PER3: variants seen among roughly 807,000 people sequenced by gnomAD.
PER3 encodes period circadian protein homolog 3.
A neutral mutation model predicts 127.2 loss-of-function variants in PER3; 107 were observed. The observed-to-expected ratio is 0.84, with a 90% CI of 0.72 to 0.99. PER3 has a LOEUF of 0.99. PER3 is among the 50% of genes least tolerant of loss of function. The pLI is 0.00. For synonymous variants in PER3, 618 were observed against 585.8 expected (o/e 1.05, Z -0.79); for missense variants, 1,560 against 1,525.8 (o/e 1.02, Z -0.37).
rs1398493325 is a variant in PER3, at chr1:7,844,018, G to C, written c.*1263G>C. 16 of 1,097,934 alleles carry C rather than the reference G, an allele frequency of 1.5e-5. No homozygotes were observed. Among genetic ancestry groups the C allele is most frequent in the Non-Finnish European group, 1.8e-5 (16 of 872,066 alleles). 68.0% of individuals were successfully genotyped at this position (1,097,934 alleles called of 1,614,324 possible). A position where few individuals can be genotyped will look rare whatever the true frequency, so the allele number is the denominator to read the frequency against. On this transcript the variant is annotated 3_prime_UTR_variant, in exon 22 of 22. Transcript: ENST00000377532. Reference sequence around the variant, plus strand: ...GTAACCTGTTGTCTTTATATAACTTGCAACAAACTAATTTATTTTTTTTTC... The same window carrying C: ...GTAACCTGTTGTCTTTATATAACTTCCAACAAACTAATTTATTTTTTTTTC...
At chr1:7,808,532 AATT>A (rs2097205966) in intron 10 of PER3, among the ~76,000 whole-genome samples, 1 of 152,202 alleles carries the variant, frequency 6.6e-6, no homozygotes, top group Non-Finnish European at 1.5e-5. Flanking sequence ...GGGTCTTTAA[AATT>A]CTTAGAGTAA....
In PER3 at chr1:7,803,692, T is replaced by C. The variant is rs751203705; in HGVS notation, c.980T>C (p.Val327Ala). The C allele has an allele frequency of 8.2e-6, 13 of 1,581,280 alleles. No homozygotes were observed. The highest frequency in any genetic ancestry group is 1.1e-5 in the Non-Finnish European group (13 of 1,152,134). Reference sequence around the variant, plus strand: ...ATTTTTGTCTTATTATTTTATATAGTTTTGAAGTATGCAGGGCATCCTCCC... The same window carrying C: ...ATTTTTGTCTTATTATTTTATATAGCTTTGAAGTATGCAGGGCATCCTCCC... ...RSLMVAIHQK[V>A]LKYAGHPPFE... is the part of the protein sequence containing the mutation. The change falls in exon 10 of 22, where the codon GTT becomes GCT. Residue 327 changes from valine (V) to alanine (A), a missense_variant and splice_region_variant. Coordinates refer to ENST00000377532, the MANE Select transcript of PER3 (RefSeq NM_001377275.1).
chr1:7,792,228 G>A (rs556605271), intron 5 of PER3, among the ~76,000 whole-genome samples: 26 of 152,088 alleles, frequency 1.7e-4, no homozygotes, highest in Admixed American at 2.6e-4. Context: ...TGTCCTTCAC[G>A]TGGCAACAGC....
chr1:7,806,478 G>T (rs2097193180), intron 10 of PER3, among the ~76,000 whole-genome samples: 1 of 152,036 alleles, frequency 6.6e-6, no homozygotes, highest in Non-Finnish European at 1.5e-5. Context: ...AGATTAATCA[G>T]TTCTGCATTA....
At position 7,820,177 on chromosome 1, in the gene PER3, C is replaced by T. The variant is rs776696531; in HGVS notation, c.1721C>T (p.Thr574Ile). 6 of 1,612,844 alleles carry T rather than the reference C, an allele frequency of 3.7e-6. No individual in the cohort carries two copies. The highest frequency in any genetic ancestry group is 4.2e-6 in the Non-Finnish European group (5 of 1,178,948). ...AAGTGTATCTCCTGTACAAATACAA[C>T]TTCTTCCTCCTCAGAAGAAGACAAA... ...KRKCISCTNT[T>I]SSSSEEDKQN... is the part of the protein sequence containing the mutation. Residue 574 changes from threonine to isoleucine, a missense_variant, in exon 15 of 22, where the codon ACT (threonine) becomes ATT (isoleucine). Coordinates refer to ENST00000377532, the MANE Select transcript of PER3 (RefSeq NM_001377275.1).
At position 7,840,648 on chromosome 1, in the gene PER3, T is replaced by A. The variant is rs139584309; in HGVS notation, c.3550-2024T>A. 5.0e-3 allele frequency among the ~76,000 whole-genome samples: 755 copies of A among 151,838 alleles called. 8 individuals carry two copies. Among genetic ancestry groups the A allele is most frequent in the African/African-American group, 0.018 (732 of 41,360 alleles). ...TTTTTCTTTCTTTTTTTTAAGACAGTCTCACTTTGTCATCCAGGCTGGAGT... is the reference window on the plus strand; with the variant it reads ...TTTTTCTTTCTTTTTTTTAAGACAGACTCACTTTGTCATCCAGGCTGGAGT... On this transcript the variant is annotated intron_variant, in intron 21 of 21. Transcript: ENST00000377532.
intron 2 of PER3, 51 bp from the exon 3 acceptor site, chr1:7,785,390 A>G (rs2097082358): frequency 6.8e-7 from 1 of 1,474,518 alleles, no homozygotes; most frequent in African/African-American, 1.4e-5. Context: ...CTAAGCCGCA[A>G]GATGCTGTTG....
At chr1:7,796,594 C>T (rs941300498) in intron 6 of PER3, among the ~76,000 whole-genome samples, 3 of 151,990 alleles carry the variant, frequency 2.0e-5, no homozygotes, top group Non-Finnish European at 4.4e-5. Flanking sequence ...GGATTACAGG[C>T]GTGAGCCACC....
At position 7,827,516 on chromosome 1, in the gene PER3, C is replaced by A; in HGVS notation, c.2587C>A (p.Pro863Thr). ...DTFMTVFLPDPPVCPLLSPSF... is the reference protein window; with the variant it reads ...DTFMTVFLPDTPVCPLLSPSF... The stretch of plus-strand genomic sequence containing the variant: ...TTTTATGACCGTTTTCCTGCCTGAC[C>A]CCCCTGTCTGTCCTCTGTTGTCGCC... The change falls in exon 18 of 22, where the codon CCC becomes ACC. Residue 863 changes from proline (P) to threonine (T), a missense_variant. Around this residue, in one of 3 missense-constraint regions of PER3, gnomAD observed 1,332 missense variants for 1,223.6 expected, o/e 1.09. Transcript: ENST00000377532. The A allele has an allele frequency of 2.5e-6, 4 of 1,614,198 alleles. No individual in the cohort carries two copies. Among genetic ancestry groups the A allele is most frequent in the Non-Finnish European group, 3.4e-6 (4 of 1,180,042 alleles).
In PER3 at chr1:7,842,997, A is replaced by G. The variant is rs932127968; in HGVS notation, c.*242A>G. On this transcript the variant is annotated 3_prime_UTR_variant, in exon 22 of 22. Coordinates refer to ENST00000377532, the MANE Select transcript of PER3 (RefSeq NM_001377275.1). ...TTTTTGTAGTTGAATTGTCTTCTAA[A>G]GAGATTGGATGGCCTCTAAAGAGGT... 1 of 281,674 alleles carries G rather than the reference A, an allele frequency of 3.6e-6. No homozygotes were observed. Among genetic ancestry groups the G allele is most frequent in the East Asian group, 6.3e-5 (1 of 15,774 alleles). 17.4% of individuals were successfully genotyped at this position (281,674 alleles called of 1,614,324 possible). A position where few individuals can be genotyped will look rare whatever the true frequency, so the allele number is the denominator to read the frequency against.
chr1:7,827,329 C>T lies in PER3; in HGVS notation c.2400C>T (p.Pro800=), dbSNP rs373626320. Residue 800 remains proline (P), a synonymous_variant, in exon 18 of 22, where the codon CCC becomes CCT. Coordinates refer to ENST00000377532, the MANE Select transcript of PER3 (RefSeq NM_001377275.1). Reference sequence around the variant, plus strand: ...CCTTCCCACCTGCCGCCATGGTGCCCAGCCAGGCCCCTTACCTCGTCCCAG... The same window carrying T: ...CCTTCCCACCTGCCGCCATGGTGCCTAGCCAGGCCCCTTACCTCGTCCCAG... ...SPTFPPAAMV[P]SQAPYLVPAF... is the part of the protein sequence containing the mutation. 88 of 1,613,800 alleles carry T rather than the reference C, an allele frequency of 5.5e-5. No individual in the cohort carries two copies. The highest frequency in any genetic ancestry group is 6.9e-5 in the Non-Finnish European group (82 of 1,179,944).
At chr1:7,797,139 C>G (rs2097149173) in intron 6 of PER3, among the ~76,000 whole-genome samples, 1 of 152,076 alleles carries the variant, frequency 6.6e-6, no homozygotes, top group Non-Finnish European at 1.5e-5. Context: ...AACCTTTGGA[C>G]TGGATGAGCC....
chr1:7,818,909 C>T (rs1467671590), intron 13 of PER3, among the ~76,000 whole-genome samples: 1 of 152,354 alleles, frequency 6.6e-6, no homozygotes, highest in East Asian at 1.9e-4. Context: ...TCCCACATTC[C>T]ACCCTTAGTG....
At chr1:7,825,271 T>C (rs1174689436) in intron 16 of PER3, among the ~76,000 whole-genome samples, 1 of 152,168 alleles carries the variant, frequency 6.6e-6, no homozygotes, top group African/African-American at 2.4e-5. Flanking sequence ...GAAGTAATTT[T>C]TTTAGAAGCA....
intron 12 of PER3, 120 bp from the exon 13 acceptor site, chr1:7,810,318 T>C (rs987994273): frequency 3.5e-5 from 26 of 745,856 alleles, no homozygotes; most frequent in Admixed American, 8.8e-5. Context: ...ATTAAAGTGA[T>C]TACTGTGCTT....
In PER3 at chr1:7,798,589, C is replaced by G. The variant is rs1159467448; in HGVS notation, c.709C>G (p.His237Asp). The G allele has an allele frequency of 1.2e-6, 2 of 1,612,836 alleles. No individual in the cohort carries two copies. The highest frequency in any genetic ancestry group is 2.2e-5 in the East Asian group (1 of 44,864). Residue 237 changes from histidine to aspartate, a missense_variant, in exon 7 of 22, where the codon CAT becomes GAT. By Grantham distance (81) the His-to-Asp change is moderately conservative. Coordinates refer to ENST00000377532, the MANE Select transcript of PER3 (RefSeq NM_001377275.1). ...SPFRIIPYLIHVHHPAQPELE... is the reference protein window; with the variant it reads ...SPFRIIPYLIDVHHPAQPELE... ...ATTCCGGATCATCCCCTATCTGATT[C>G]ATGTACATCACCCTGCCCAGCCAGA... is the stretch of plus-strand genomic sequence containing the variant.
In PER3 at chr1:7,810,474, A is replaced by G; in HGVS notation, c.1408A>G (p.Ile470Val). 1.9e-6 allele frequency: 3 copies of G among 1,612,884 alleles called. No individual in the cohort carries two copies. Among genetic ancestry groups the G allele is most frequent in the Non-Finnish European group, 2.5e-6 (3 of 1,179,330 alleles). Reference protein sequence around the residue: ...LQQVYASVNKIKNLGQQLYIE... With the variant: ...LQQVYASVNKVKNLGQQLYIE... ...GCAGGTCTATGCCAGTGTGAACAAA[A>G]TTAAAAATCTGGGTCAGCAGCTCTA... Residue 470 changes from isoleucine to valine, a missense_variant, in exon 13 of 22, where the codon ATT (isoleucine) becomes GTT (valine). By Grantham distance (29) the Ile-to-Val change is conservative. Transcript: ENST00000377532.
chr1:7,816,886 G>A (rs187121293), intron 13 of PER3, among the ~76,000 whole-genome samples: 68 of 152,326 alleles, frequency 4.5e-4, no homozygotes, highest in South Asian at 1.4e-3. Context: ...TTATTACACT[G>A]TTACTCTCCA....
chr1:7,819,049 T>A (rs1417439210), intron 13 of PER3, among the ~76,000 whole-genome samples: 2 of 152,254 alleles, frequency 1.3e-5, no homozygotes, highest in Non-Finnish European at 2.9e-5. Context: ...CTTATTTTTC[T>A]AAATACAATC....
Sources: gnomAD v4.1 joint callset for allele counts (sites outside exome capture counted in the v4.1 genomes callset) on GRCh38, gnomAD v4.1.1 for gene constraint, gnomAD v4.1.1 regional missense constraint, MANE v1.5 for transcripts, NCBI Gene and HGNC (gene_info 2026-07-23, HGNC 2026-07-21) for gene names.